The following ADGRB1 variants were observed in gnomAD, a reference collection of about 807,000 sequenced individuals.
ADGRB1 encodes the protein adhesion G protein-coupled receptor B1.
A neutral mutation model predicts 175.7 loss-of-function variants in ADGRB1; 36 were observed. The ratio of observed to expected loss-of-function variants is 0.20; its 90% confidence interval spans 0.16 to 0.27. The LOEUF (loss-of-function observed/expected upper bound fraction) is 0.27, where lower values mean the gene tolerates loss of function less well. ADGRB1 is among the 10% of genes least tolerant of loss of function. ADGRB1 has a pLI of 1.00. For synonymous variants in ADGRB1, 1,054 were observed against 979.4 expected, an observed-to-expected ratio of 1.08 and a Z score of -1.42; for missense variants, 1,731 against 2,255.3, an observed-to-expected ratio of 0.77 and a Z score of 4.71.
intron 2 of ADGRB1, among the ~76,000 whole-genome samples, chr8:142,467,447 C>T (rs192436585): frequency 1.3e-5 from 2 of 152,278 alleles, no homozygotes; most frequent in African/African-American, 4.8e-5. Flanking sequence ...AGGATGTGGA[C>T]ATGGGCAGGG....
intron 17 of ADGRB1, among the ~76,000 whole-genome samples, chr8:142,494,544 T>C (rs142376979): frequency 6.6e-6 from 1 of 152,132 alleles, no homozygotes; most frequent in African/African-American, 2.4e-5. Flanking sequence ...TAGAAAGACT[T>C]ACAGGCTTCC....
chr8:142,531,055 G>A (rs565788902), intron 24 of ADGRB1, among the ~76,000 whole-genome samples: 4 of 152,230 alleles, frequency 2.6e-5, no homozygotes, highest in South Asian at 2.1e-4. Flanking sequence ...CTGCACCACT[G>A]TATCCCCTGA....
At chr8:142,509,138 A>G (rs1244154182) in intron 17 of ADGRB1, among the ~76,000 whole-genome samples, 4 of 152,196 alleles carry the variant, frequency 2.6e-5, no homozygotes, top group Admixed American at 2.6e-4. Flanking sequence ...CCCGAATCTC[A>G]GGAAGTGCTG....
chr8:142,453,145 G>T (rs1222974941), intron 1 of ADGRB1, among the ~76,000 whole-genome samples: 2 of 151,844 alleles, frequency 1.3e-5, no homozygotes, highest in African/African-American at 2.4e-5. Flanking sequence ...GTCCCCGTGT[G>T]CGGTGCGCTG....
chr8:142,465,342 G>T (rs370331406), intron 2 of ADGRB1, among the ~76,000 whole-genome samples: 11 of 152,188 alleles, frequency 7.2e-5, no homozygotes, highest in African/African-American at 2.7e-4. Context: ...CCTCCTGGCT[G>T]GGAGAGGGCC....
At chr8:142,470,934 G>A (rs1309567094) in intron 2 of ADGRB1, among the ~76,000 whole-genome samples, 2 of 152,156 alleles carry the variant, frequency 1.3e-5, no homozygotes, top group Non-Finnish European at 2.9e-5. Context: ...AGAGGCATCT[G>A]GAGGCCTGTC....
Position 142,464,184 on chromosome 8 carries a change from G to A in ADGRB1, c.-15G>A. On this transcript the variant is annotated 5_prime_UTR_variant, in exon 2 of 31. Transcript: ENST00000517894. ...CTGCCCAGCCCGCGGAACCCCGGCG[G>A]CCCCGCGAGCTAGGATGAGGGGCCA... 2 of 1,259,398 alleles carry A rather than the reference G, an allele frequency of 1.6e-6. No homozygotes were observed. Among genetic ancestry groups the A allele is most frequent in the Non-Finnish European group, 2.0e-6 (2 of 1,007,120 alleles). 78.0% of individuals were successfully genotyped at this position (1,259,398 alleles called of 1,614,324 possible).
intron 19 of ADGRB1, among the ~76,000 whole-genome samples, chr8:142,519,641 G>T (rs555168588): frequency 4.8e-4 from 73 of 151,904 alleles, no homozygotes; most frequent in Admixed American, 9.8e-4. Context: ...TGGTGCTGGT[G>T]CTGGTGATTA....
At chr8:142,456,007 G>A (rs1288172485) in intron 1 of ADGRB1, among the ~76,000 whole-genome samples, 1 of 152,128 alleles carries the variant, frequency 6.6e-6, no homozygotes, top group Non-Finnish European at 1.5e-5. Context: ...GGCAAGTCTT[G>A]GTGAGGCCCC....
chr8:142,516,889 G>A (rs1397199213), intron 18 of ADGRB1, among the ~76,000 whole-genome samples: 1 of 152,158 alleles, frequency 6.6e-6, no homozygotes, highest in African/African-American at 2.4e-5. Flanking sequence ...AGCGATGTCA[G>A]CCTGAGTCCC....
chr8:142,544,717 G>A lies in ADGRB1; in HGVS notation c.*300G>A, dbSNP rs1035536354. On this transcript the variant is annotated 3_prime_UTR_variant, in exon 31 of 31. Transcript: ENST00000517894. The stretch of plus-strand genomic sequence containing the variant: ...GCGGACGGCTGTGGACCGTGGACAG[G>A]CCCAGCGCGGCCAGCGTCCCAGGGT... 1.0e-4 allele frequency: 26 copies of A among 249,496 alleles called. No homozygotes were observed. In the East Asian group the frequency reaches 2.0e-3, roughly 19 times the overall value. 15.5% of individuals were successfully genotyped at this position (249,496 alleles called of 1,614,324 possible). A position where few individuals can be genotyped will look rare whatever the true frequency, so the allele number is the denominator to read the frequency against.
chr8:142,513,513 G>A (rs1408265320), intron 18 of ADGRB1, among the ~76,000 whole-genome samples: 1 of 152,182 alleles, frequency 6.6e-6, no homozygotes, highest in Non-Finnish European at 1.5e-5. Context: ...GGTGCAGCCT[G>A]CCCCTGGCAG....
Position 142,481,513 on chromosome 8 carries a change from G to T in ADGRB1, c.1936-4G>T, listed in dbSNP as rs375563704. 3.2e-6 allele frequency: 5 copies of T among 1,573,542 alleles called. No individual in the cohort carries two copies. In the African/African-American group the frequency reaches 6.8e-5, roughly 21 times the overall value. On this transcript the variant is annotated splice_region_variant and splice_polypyrimidine_tract_variant and intron_variant, in intron 10 of 30. Coordinates refer to ENST00000517894, the MANE Select transcript of ADGRB1 (RefSeq NM_001702.3). ...AAGGCACCCGCCCTCTCTGTCTTCC[G>T]CAGACCCGGGAGCACCTGGCCAAGG...
intron 17 of ADGRB1, among the ~76,000 whole-genome samples, chr8:142,509,127 G>T (rs1842962287): frequency 6.6e-6 from 1 of 152,192 alleles, no homozygotes; most frequent in African/African-American, 2.4e-5. Flanking sequence ...TCTCCCCTGG[G>T]CCCGAATCTC....
intron 24 of ADGRB1, among the ~76,000 whole-genome samples, chr8:142,529,324 G>T (rs938814630): frequency 2.0e-5 from 3 of 152,126 alleles, no homozygotes; most frequent in African/African-American, 4.8e-5. Context: ...GCATGACCAG[G>T]TGTGTGCAGA....
intron 14 of ADGRB1, 42 bp from the exon 15 acceptor site, chr8:142,488,993 G>T (rs1018320920): frequency 6.3e-7 from 1 of 1,597,296 alleles, no homozygotes; most frequent in Non-Finnish European, 8.5e-7. Context: ...CACCCTGGCT[G>T]TGGGGATGGC....
At position 142,537,583 on chromosome 8, in the gene ADGRB1, A is replaced by G. The variant is rs1472463842; in HGVS notation, c.3666+501A>G. On this transcript the variant is annotated intron_variant, in intron 26 of 30. Coordinates refer to ENST00000517894, the MANE Select transcript of ADGRB1 (RefSeq NM_001702.3). This position sits in a 1 kb window ranked among gnomAD's most constrained non-coding sequence, Gnocchi z 4.6. ...GTGCTGCCCAGTCCTCAGCCCCTGC[A>G]GGGTGACTCTCCCTTGTGGCCCCTG... Among the ~76,000 whole-genome samples, 1 of 151,792 alleles carries G rather than the reference A, an allele frequency of 6.6e-6. No individual in the cohort carries two copies. The highest frequency in any genetic ancestry group is 2.4e-5 in the African/African-American group (1 of 41,260).
chr8:142,454,659 C>A (rs1306920535), intron 1 of ADGRB1, among the ~76,000 whole-genome samples: 1 of 152,132 alleles, frequency 6.6e-6, no homozygotes, highest in African/African-American at 2.4e-5. Flanking sequence ...CATCAGGCCC[C>A]AGCGCCTCCT....
rs575158775 is a variant in ADGRB1, at chr8:142,544,532, C to A, written c.*115C>A. The A allele has an allele frequency of 1.6e-6, 2 of 1,237,238 alleles. No homozygotes were observed. Among genetic ancestry groups the A allele is most frequent in the East Asian group, 3.2e-5 (1 of 31,596 alleles). 76.6% of individuals were successfully genotyped at this position (1,237,238 alleles called of 1,614,324 possible). ...GCAGCGGGCCAGGCCCGCACCCCGG[C>A]CTCAGGGCGCTCAGACGGCGGCCAG... On this transcript the variant is annotated 3_prime_UTR_variant, in exon 31 of 31. Coordinates refer to ENST00000517894, the MANE Select transcript of ADGRB1 (RefSeq NM_001702.3).
Sources: allele counts gnomAD v4.1 joint callset (sites outside exome capture counted in the v4.1 genomes callset), GRCh38; gene constraint gnomAD v4.1.1; non-coding constraint Gnocchi (gnomAD v3.1); transcripts MANE v1.5; gene names NCBI Gene and HGNC (gene_info 2026-07-23, HGNC 2026-07-21).